Variants in PAN3 observed in about 807,000 individuals in gnomAD.
PAN3 encodes the protein poly(A) specific ribonuclease subunit PAN3, also known as PAN2-PAN3 deadenylation complex subunit PAN3.
PAN3 carries 19 observed loss-of-function variants against 96.2 expected under a neutral mutation model. The ratio of observed to expected loss-of-function variants is 0.20; its 90% CI spans 0.14 to 0.29. PAN3 has a LOEUF of 0.29. Among genes scored for constraint, PAN3 ranks in the 10% least tolerant of loss-of-function variants. The pLI is 1.00. For synonymous variants in PAN3, 433 were observed against 406.6 expected (o/e 1.06, Z -0.78); for missense variants, 882 against 1,108.1 (o/e 0.80, Z 2.90).
intron 6 of PAN3, among the ~76,000 whole-genome samples, chr13:28,244,891 C>G (rs536808371): frequency 2.0e-5 from 3 of 151,910 alleles, no homozygotes; most frequent in Non-Finnish European, 4.4e-5. Context: ...CTGTGTCGCC[C>G]AGGCTGGAGT....
chr13:28,141,002 A>C (rs1593340489), intron 1 of PAN3, among the ~76,000 whole-genome samples: 2 of 104,242 alleles, frequency 1.9e-5, no homozygotes, highest in Non-Finnish European at 3.5e-5. Context: ...AGAAAGAGAC[A>C]CTTTTTTTTT....
At chr13:28,175,692 G>T (rs1369486196) in intron 2 of PAN3, among the ~76,000 whole-genome samples, 1 of 152,124 alleles carries the variant, frequency 6.6e-6, no homozygotes, top group African/African-American at 2.4e-5. Context: ...GCCATATATA[G>T]AAATGGTTAT....
chr13:28,284,004 GGA>G (rs1388115611), intron 17 of PAN3, among the ~76,000 whole-genome samples: 1 of 152,094 alleles, frequency 6.6e-6, no homozygotes, highest in Admixed American at 6.5e-5. Flanking sequence ...GGTACTGTAG[GGA>G]CTAACTTGTG....
intron 12 of PAN3, among the ~76,000 whole-genome samples, chr13:28,270,292 C>A (rs1490213214): frequency 6.6e-6 from 1 of 152,100 alleles, no homozygotes; most frequent in Non-Finnish European, 1.5e-5. Flanking sequence ...TTCCATCAAG[C>A]CACACAATGA....
At chr13:28,203,266 A>G (rs943165638) in intron 5 of PAN3, among the ~76,000 whole-genome samples, 1 of 148,532 alleles carries the variant, frequency 6.7e-6, no homozygotes, top group African/African-American at 2.5e-5. Context: ...TAATATATGT[A>G]ATTTTGTGGT....
At chr13:28,252,283 G>C (rs1884804785) in intron 6 of PAN3, among the ~76,000 whole-genome samples, 2 of 151,278 alleles carry the variant, frequency 1.3e-5, no homozygotes, top group Admixed American at 6.6e-5. Flanking sequence ...AACATTGGTA[G>C]GGGTTGAGGG....
At chr13:28,147,566 A>T (rs916416004) in intron 1 of PAN3, among the ~76,000 whole-genome samples, 1 of 152,238 alleles carries the variant, frequency 6.6e-6, no homozygotes, top group Non-Finnish European at 1.5e-5. Context: ...CTGACAGCAC[A>T]GTATACTGTA....
intron 5 of PAN3, among the ~76,000 whole-genome samples, chr13:28,205,394 C>T (rs1209915552): frequency 6.6e-6 from 1 of 152,120 alleles, no homozygotes; most frequent in East Asian, 1.9e-4. Flanking sequence ...CTAGCTGATA[C>T]TCGAAATCTT....
chr13:28,219,398 C>T (rs1247749154), intron 5 of PAN3, among the ~76,000 whole-genome samples: 4 of 151,208 alleles, frequency 2.6e-5, no homozygotes, highest in African/African-American at 9.8e-5. Context: ...GACTTGTTAC[C>T]TTCCAGATCT....
intron 15 of PAN3, among the ~76,000 whole-genome samples, chr13:28,277,758 A>G (rs1482098892): frequency 6.6e-6 from 1 of 152,242 alleles, no homozygotes; most frequent in Non-Finnish European, 1.5e-5. Context: ...CAGACATAGA[A>G]TATTTCCCTC....
chr13:28,204,390 G>A (rs1445276019), intron 5 of PAN3, among the ~76,000 whole-genome samples: 2 of 152,150 alleles, frequency 1.3e-5, no homozygotes, highest in African/African-American at 4.8e-5. Context: ...TTTATCACCT[G>A]TCCTACAGAG....
chr13:28,280,953 A>G (rs1887426461), intron 16 of PAN3, among the ~76,000 whole-genome samples: 1 of 152,134 alleles, frequency 6.6e-6, no homozygotes. Flanking sequence ...ATAATGCCTT[A>G]TTTGCTAAGA....
intron 18 of PAN3, among the ~76,000 whole-genome samples, chr13:28,289,652 C>A (rs376587722): frequency 6.6e-6 from 1 of 152,116 alleles, no homozygotes; most frequent in Non-Finnish European, 1.5e-5. Context: ...GAGGCCACGG[C>A]GGGCGGATCA....
At chr13:28,168,070 A>G (rs904074311) in intron 1 of PAN3, among the ~76,000 whole-genome samples, 3 of 152,150 alleles carry the variant, frequency 2.0e-5, no homozygotes, top group Non-Finnish European at 2.9e-5. Context: ...TAAAGGTCCC[A>G]CTTCAGTAAT....
At chr13:28,278,040 T>C (rs2138705850) in intron 15 of PAN3, among the ~76,000 whole-genome samples, 1 of 152,370 alleles carries the variant, frequency 6.6e-6, no homozygotes, top group Non-Finnish European at 1.5e-5. Context: ...TATTGGGAGA[T>C]CCCAGAGGGT....
At chr13:28,152,053 A>G (rs79724876) in intron 1 of PAN3, among the ~76,000 whole-genome samples, 1,556 of 152,206 alleles carry the variant, frequency 0.01, 24 homozygotes, top group African/African-American at 0.035. Flanking sequence ...TCAGTAGGCT[A>G]TTTTCTTTTT....
intron 6 of PAN3, among the ~76,000 whole-genome samples, chr13:28,225,293 G>T (rs577624612): frequency 2.6e-5 from 4 of 152,206 alleles, no homozygotes; most frequent in African/African-American, 9.6e-5. Context: ...TATGAACGTT[G>T]TAGACTAAAA....
intron 17 of PAN3, among the ~76,000 whole-genome samples, chr13:28,281,911 C>T (rs1887504371): frequency 6.6e-6 from 1 of 152,082 alleles, no homozygotes; most frequent in Non-Finnish European, 1.5e-5. Flanking sequence ...GCTGGGACTA[C>T]AGGTGTGCAC....
chr13:28,284,028 T>TTA (rs1484258309), intron 17 of PAN3, among the ~76,000 whole-genome samples: 1 of 152,202 alleles, frequency 6.6e-6, no homozygotes, highest in Non-Finnish European at 1.5e-5. Flanking sequence ...ATACTTAATC[T>TTA]TATATATATG....
Sources: gnomAD v4.1 joint callset for allele counts (sites outside exome capture counted in the v4.1 genomes callset) on GRCh38, gnomAD v4.1.1 for gene constraint, MANE v1.5 for transcripts, NCBI Gene and HGNC (gene_info 2026-07-23, HGNC 2026-07-21) for gene names.